GALNT13: variants seen among roughly 807,000 people sequenced by gnomAD.
GALNT13 encodes the protein polypeptide N-acetylgalactosaminyltransferase 13, also known as UDP-GalNAc:polypeptide N-acetylgalactosaminyltransferase 13.
GALNT13 carries 28 observed loss-of-function variants against 64.2 expected under a neutral mutation model. That is an observed-to-expected ratio of 0.44 (90% CI 0.32 to 0.60). The LOEUF is 0.60. GALNT13 is among the 20% of genes least tolerant of loss of function. The pLI, the probability that GALNT13 is intolerant of heterozygous loss-of-function variation, is 0.05. For missense variants in GALNT13, 577 were observed against 669.8 expected (o/e 0.86, Z 1.53); for synonymous variants, 214 against 224.6 (o/e 0.95, Z 0.42).
intron 4 of GALNT13, among the ~76,000 whole-genome samples, chr2:154,182,076 G>T (rs1479567090): frequency 6.6e-6 from 1 of 152,032 alleles, no homozygotes; most frequent in Non-Finnish European, 1.5e-5. Context: ...TTATATATGC[G>T]TTGACTATTT....
chr2:153,579,202 T>C, the GALNT13 span, among the ~76,000 whole-genome samples: 1 of 152,174 alleles, frequency 6.6e-6, no homozygotes, highest in African/African-American at 2.4e-5. Flanking sequence ...AGTCCCAAGA[T>C]TGATTGGAAG....
At chr2:153,122,368 T>C in the GALNT13 span, among the ~76,000 whole-genome samples, 632 of 152,288 alleles carry the variant, frequency 4.2e-3, 2 homozygotes, top group African/African-American at 0.014. Context: ...TATTTTGACC[T>C]GGCTAGATAC....
the GALNT13 span, among the ~76,000 whole-genome samples, chr2:153,571,461 CT>C: frequency 1.3e-5 from 2 of 151,902 alleles, no homozygotes; most frequent in South Asian, 4.1e-4. Context: ...CTGAATTACT[CT>C]TTCTAAAACT....
chr2:154,356,110 G>A (rs1016370167), intron 9 of GALNT13, among the ~76,000 whole-genome samples: 1 of 152,128 alleles, frequency 6.6e-6, no homozygotes, highest in South Asian at 2.1e-4. Flanking sequence ...CTATTGGTGA[G>A]ATAAACTTCT....
intron 8 of GALNT13, among the ~76,000 whole-genome samples, chr2:154,267,332 T>C (rs1242140481): frequency 1.3e-5 from 2 of 152,044 alleles, no homozygotes; most frequent in Non-Finnish European, 2.9e-5. Flanking sequence ...TAGATATCAT[T>C]AAAATTTAAA....
At chr2:154,311,209 A>G (rs1221321690) in intron 9 of GALNT13, among the ~76,000 whole-genome samples, 1 of 152,134 alleles carries the variant, frequency 6.6e-6, no homozygotes, top group African/African-American at 2.4e-5. Context: ...ACATATATGT[A>G]CATATTTATT....
rs541012755 is a variant in GALNT13 at position 154,018,287 on chromosome 2, C to A, written c.142+73648C>A. 5.3e-5 allele frequency among the ~76,000 whole-genome samples: 8 copies of A among 152,248 alleles called. No individual in the cohort carries two copies. The South Asian group carries it at 1.7e-3, about 32-fold the overall frequency. ...ATTCCGTCCTGTAAACTGCCACTCCCAACCATAGGAGAAGGAGCCACGTTT... is the reference window on the plus strand; with the variant it reads ...ATTCCGTCCTGTAAACTGCCACTCCAAACCATAGGAGAAGGAGCCACGTTT... On this transcript the variant is annotated intron_variant, in intron 3 of 12. Transcript: ENST00000392825.
chr2:153,385,956 C>G, the GALNT13 span, among the ~76,000 whole-genome samples: 1 of 151,658 alleles, frequency 6.6e-6, no homozygotes, highest in African/African-American at 2.4e-5. Context: ...CCTGAAAATC[C>G]ACTTTTCTGG....
chr2:154,363,686 G>A (rs1484910247), intron 9 of GALNT13, among the ~76,000 whole-genome samples: 4 of 152,112 alleles, frequency 2.6e-5, no homozygotes, highest in African/African-American at 9.7e-5. Flanking sequence ...AAGCTCTTTT[G>A]GAATAAATAT....
intron 12 of GALNT13, chr2:154,445,880 A>T (rs1332939992): frequency 4.2e-6 from 5 of 1,182,720 alleles, no homozygotes; most frequent in Non-Finnish European, 1.1e-6. Flanking sequence ...CCTGGAGCTT[A>T]TGTTCCTATG....
chr2:153,845,629 A>G, the GALNT13 span, among the ~76,000 whole-genome samples: 2 of 152,182 alleles, frequency 1.3e-5, no homozygotes, highest in Non-Finnish European at 2.9e-5. Context: ...AAGAGACATG[A>G]TGAAAGATAA....
chr2:154,427,960 T>G (rs1293579209), intron 11 of GALNT13, among the ~76,000 whole-genome samples: 1 of 152,236 alleles, frequency 6.6e-6, no homozygotes, highest in East Asian at 1.9e-4. Context: ...TAATTCACAT[T>G]GCTAAAGGTA....
At chr2:153,862,836 T>C in the GALNT13 span, among the ~76,000 whole-genome samples, 10,288 of 152,086 alleles carry the variant, frequency 0.068, 570 homozygotes, top group South Asian at 0.16. Flanking sequence ...TGTTATATGC[T>C]TATATTTAAT....
rs140718113 is a variant in GALNT13, at chr2:154,098,138, T to C, written c.143-42199T>C. ...AGTTTTAAATTTGAATCTTAATGTA[T>C]CTGGAATGTGGTCAAACATTATTAA... is the stretch of plus-strand genomic sequence containing the variant. On this transcript the variant is annotated intron_variant, in intron 3 of 12. Transcript: ENST00000392825. Among the ~76,000 whole-genome samples, 563 of 150,844 alleles carry C rather than the reference T, an allele frequency of 3.7e-3. 2 individuals are homozygous for C. Among genetic ancestry groups the C allele is most frequent in the African/African-American group, 0.013 (538 of 40,998 alleles).
Position 154,268,332 on chromosome 2 carries a change from G to A in GALNT13, c.975+9194G>A, listed in dbSNP as rs78970623. Among the ~76,000 whole-genome samples, 675 of 152,238 alleles carry A rather than the reference G, an allele frequency of 4.4e-3. 5 individuals carry two copies. The highest frequency in any genetic ancestry group is 0.015 in the African/African-American group (619 of 41,550). ...CAGGCAAAAAGATTACATACTATATGACTTCATTTGTATAAAATTTTAGTA... is the reference window on the plus strand; with the variant it reads ...CAGGCAAAAAGATTACATACTATATAACTTCATTTGTATAAAATTTTAGTA... On this transcript the variant is annotated intron_variant, in intron 8 of 12. Coordinates refer to ENST00000392825, the MANE Select transcript of GALNT13 (RefSeq NM_052917.4).
At chr2:153,884,575 T>C (rs1457340949) in intron 1 of GALNT13, among the ~76,000 whole-genome samples, 1 of 151,580 alleles carries the variant, frequency 6.6e-6, no homozygotes, top group Non-Finnish European at 1.5e-5. Flanking sequence ...TTAGTCCTGA[T>C]AAAGCCATTA....
At chr2:153,648,119 G>T in the GALNT13 span, among the ~76,000 whole-genome samples, 1 of 152,064 alleles carries the variant, frequency 6.6e-6, no homozygotes. Flanking sequence ...TCTTCCATTT[G>T]TTTGTGTCCT....
At chr2:153,676,004 A>T in the GALNT13 span, among the ~76,000 whole-genome samples, 3 of 152,182 alleles carry the variant, frequency 2.0e-5, no homozygotes, top group Non-Finnish European at 4.4e-5. Flanking sequence ...AAGAAAAGTA[A>T]CAACTACAAT....
chr2:153,646,118 A>C, the GALNT13 span, among the ~76,000 whole-genome samples: 1 of 152,064 alleles, frequency 6.6e-6, no homozygotes, highest in African/African-American at 2.4e-5. Context: ...TGAAGATACA[A>C]CTTAACTCAG....
Sources: allele counts gnomAD v4.1 joint callset (sites outside exome capture counted in the v4.1 genomes callset), GRCh38; gene constraint gnomAD v4.1.1; transcripts MANE v1.5; gene names NCBI Gene and HGNC (gene_info 2026-07-23, HGNC 2026-07-21).